UTP20: variants seen among roughly 807,000 people sequenced by gnomAD.
The protein encoded by UTP20 is UTP20 small subunit processome component, also known as small subunit processome component 20 homolog.
A neutral mutation model predicts 329.5 loss-of-function variants in UTP20; 164 were observed. That is an observed-to-expected ratio of 0.50 (90% CI 0.44 to 0.57). The LOEUF (loss-of-function observed/expected upper bound fraction) is 0.57, where lower values mean the gene tolerates loss of function less well. UTP20 is among the 20% of genes least tolerant of loss of function. The probability of loss-of-function intolerance (pLI) is 0.00; values close to 1 mark genes in which losing one functional copy is unlikely to be tolerated. For missense variants in UTP20, 3,055 were observed against 3,284.2 expected (o/e 0.93, Z 1.71); for synonymous variants, 1,151 against 1,159.3 (o/e 0.99, Z 0.14).
At chr12:101,378,869 G>A (rs527441448) in intron 56 of UTP20, among the ~76,000 whole-genome samples, 1 of 152,170 alleles carries the variant, frequency 6.6e-6, no homozygotes, top group South Asian at 2.1e-4. Flanking sequence ...TTTTCTAGTC[G>A]TTTCCAGTGC....
chr12:101,352,098 T>C lies in UTP20; in HGVS notation c.4928T>C (p.Ile1643Thr). The C allele has an allele frequency of 6.2e-7, 1 of 1,613,956 alleles. No individual in the cohort carries two copies. Among genetic ancestry groups the C allele is most frequent in the Non-Finnish European group, 8.5e-7 (1 of 1,179,974 alleles). ...GCTGCCACAGAGATTATTGGAGCCA[T>C]TTGCAAACATCTCTCTTGGTCAGCG... ...TTAATEIIGA[I>T]CKHLSWSAYM... is the part of the protein sequence containing the mutation. Residue 1643 changes from isoleucine (I) to threonine (T), a missense_variant, in exon 39 of 62, where the codon ATT becomes ACT. Coordinates refer to ENST00000261637, the MANE Select transcript of UTP20 (RefSeq NM_014503.3).
chr12:101,347,486 G>A (rs7134943), intron 38 of UTP20, among the ~76,000 whole-genome samples: 14,982 of 151,928 alleles, frequency 0.099, 1,701 homozygotes, highest in East Asian at 0.46. Flanking sequence ...TTACGCTACT[G>A]CACTCCAGCC....
At position 101,383,291 on chromosome 12, in the gene UTP20, A is replaced by G. The variant is rs1026146122; in HGVS notation, c.7907A>G (p.Tyr2636Cys). Residue 2636 changes from tyrosine (Y) to cysteine (C), a missense_variant, in exon 59 of 62, where the codon TAT (tyrosine) becomes TGT (cysteine). This residue lies in a region of UTP20 where 337 missense variants were observed against 345.5 expected (regional missense o/e 0.98). Transcript: ENST00000261637. ...LSRIAKLEAAYSPRNPLKRTC... is the reference protein window; with the variant it reads ...LSRIAKLEAACSPRNPLKRTC... ...CGGATTGCAAAACTGGAAGCTGCTT[A>G]TTCGCCGAGAAACCCCTTAAAGGTG... is the stretch of plus-strand genomic sequence containing the variant. 5 of 1,613,892 alleles carry G rather than the reference A, an allele frequency of 3.1e-6. No homozygotes were observed. The African/African-American group carries it at 6.7e-5, about 22-fold the overall frequency.
At chr12:101,329,811 C>A (rs1868698298) in intron 27 of UTP20, among the ~76,000 whole-genome samples, 1 of 151,832 alleles carries the variant, frequency 6.6e-6, no homozygotes, top group Non-Finnish European at 1.5e-5. Flanking sequence ...TGAGACCAGC[C>A]TGGACAACAT....
Position 101,317,553 on chromosome 12 carries a change from A to G in UTP20, c.2628A>G (p.Ala876=). 1.9e-6 allele frequency: 3 copies of G among 1,614,212 alleles called. No individual in the cohort carries two copies. Among genetic ancestry groups the G allele is most frequent in the Non-Finnish European group, 2.5e-6 (3 of 1,180,032 alleles). The part of the protein sequence containing the change: ...DLRRKGKGMV[A]EEIEEEPAAG... ...GGAGAAAAGGCAAAGGGATGGTGGC[A>G]GAGGAAATCGAAGAGGAACCTGCCG... The change falls in exon 22 of 62, where the codon GCA becomes GCG. Residue 876 remains alanine (A), a synonymous_variant. Transcript: ENST00000261637.
chr12:101,297,751 G>A (rs1371900176), intron 12 of UTP20, among the ~76,000 whole-genome samples: 2 of 152,182 alleles, frequency 1.3e-5, no homozygotes, highest in African/African-American at 4.8e-5. Context: ...TTCTGTGCAG[G>A]GAGAGTGAAG....
chr12:101,379,677 C>T (rs1203975974), intron 57 of UTP20, 119 bp downstream of exon 57: 6 of 1,092,574 alleles, frequency 5.5e-6, no homozygotes, highest in Non-Finnish European at 7.7e-6. Context: ...ATTTGTTGTA[C>T]AGGTGAATCA....
chr12:101,291,785 G>C lies in UTP20; in HGVS notation c.935G>C (p.Cys312Ser). The C allele has an allele frequency of 6.2e-7, 1 of 1,606,404 alleles. No homozygotes were observed. The highest frequency in any genetic ancestry group is 1.1e-5 in the South Asian group (1 of 88,634). ...DLHTKVTKTN[C>S]CESSEQIKRL... is the part of the protein sequence containing the mutation. Reference sequence around the variant, plus strand: ...CACACAAAAGTAACAAAAACTAACTGTTGTGAAAGTTCTGAACAGATTAAA... The same window carrying C: ...CACACAAAAGTAACAAAAACTAACTCTTGTGAAAGTTCTGAACAGATTAAA... Residue 312 changes from cysteine (C) to serine (S), a missense_variant, in exon 9 of 62, where the codon TGT (cysteine) becomes TCT (serine). By Grantham distance (112) the Cys-to-Ser change is moderately radical (BLOSUM62 -1). Around this residue, in one of 3 missense-constraint regions of UTP20, gnomAD observed 2,445 missense variants for 2,575.5 expected, o/e 0.95. Coordinates refer to ENST00000261637, the MANE Select transcript of UTP20 (RefSeq NM_014503.3).
At chr12:101,331,778 G>A (rs1868768933) in intron 27 of UTP20, among the ~76,000 whole-genome samples, 1 of 152,076 alleles carries the variant, frequency 6.6e-6, no homozygotes, top group Non-Finnish European at 1.5e-5. Flanking sequence ...AGGTTTTAAT[G>A]TAGGTAATTA....
chr12:101,385,901 GTAT>G, intron 61 of UTP20, 64 bp from the exon 62 acceptor site: 1 of 1,460,750 alleles, frequency 6.8e-7, no homozygotes, highest in Non-Finnish European at 9.2e-7. Context: ...ATTTATTTCT[GTAT>G]TTGATTCTTA....
rs759786580 is a variant in UTP20 at position 101,292,088 on chromosome 12, A to G, written c.1157A>G (p.Lys386Arg). The part of the protein sequence containing the change: ...ENVSLPETLI[K>R]ETIEKIFESR... ...GTTTCCTTGCCGGAGACCCTCATCA[A>G]AGAAACCATAGAAAAAGTAATTTAC... The change falls in exon 10 of 62, where the codon AAA becomes AGA. Residue 386 changes from lysine (K) to arginine (R), a missense_variant. This residue lies in a region of UTP20 where 2,445 missense variants were observed against 2,575.5 expected (regional missense o/e 0.95). Coordinates refer to ENST00000261637, the MANE Select transcript of UTP20 (RefSeq NM_014503.3). 3 of 1,612,722 alleles carry G rather than the reference A, an allele frequency of 1.9e-6. No homozygotes were observed. Among genetic ancestry groups the G allele is most frequent in the East Asian group, 4.5e-5 (2 of 44,884 alleles).
Position 101,285,773 on chromosome 12 carries a change from A to G in UTP20, c.218A>G (p.Asp73Gly). The G allele has an allele frequency of 6.2e-7, 1 of 1,613,642 alleles. No homozygotes were observed. ...GGAAAATTTTACAAAGAAGTTATTG[A>G]CAAATGCCAATCATTCAATCAGTTG... ...HFGKFYKEVIDKCQSFNQLVY... is the reference protein window; with the variant it reads ...HFGKFYKEVIGKCQSFNQLVY... The change falls in exon 4 of 62, where the codon GAC (aspartate) becomes GGC (glycine). Residue 73 changes from aspartate to glycine, a missense_variant. Physicochemically the swap from Asp to Gly is moderately conservative, Grantham distance 94. Coordinates refer to ENST00000261637, the MANE Select transcript of UTP20 (RefSeq NM_014503.3).
At position 101,290,781 on chromosome 12, in the gene UTP20, A is replaced by G. The variant is rs1872117362; in HGVS notation, c.784A>G (p.Thr262Ala). 1 of 1,613,570 alleles carries G rather than the reference A, an allele frequency of 6.2e-7. No homozygotes were observed. The highest frequency in any genetic ancestry group is 1.3e-5 in the African/African-American group (1 of 74,910). Residue 262 changes from threonine (T) to alanine (A), a missense_variant, in exon 8 of 62, where the codon ACT becomes GCT. By Grantham distance (58) the Thr-to-Ala change is moderately conservative. Transcript: ENST00000261637. ...RKLGPVTETE[T>A]QLPWMLIGET... ...GCTAGGACCAGTCACTGAAACAGAA[A>G]CTCAACTACCATGGATGTTAATTGG...
chr12:101,283,571 A>G (rs1297637389), intron 2 of UTP20, among the ~76,000 whole-genome samples: 2 of 152,226 alleles, frequency 1.3e-5, no homozygotes, highest in Non-Finnish European at 2.9e-5. Flanking sequence ...TCTCTCACAC[A>G]TAGCTGACAT....
intron 12 of UTP20, among the ~76,000 whole-genome samples, chr12:101,296,505 A>C (rs1872356751): frequency 6.6e-6 from 1 of 151,262 alleles, no homozygotes; most frequent in Non-Finnish European, 1.5e-5. Flanking sequence ...CGGGAGGTGG[A>C]GCTTGCAGTG....
At chr12:101,337,323 G>A (rs539473170) in intron 29 of UTP20, among the ~76,000 whole-genome samples, 123 of 152,268 alleles carry the variant, frequency 8.1e-4, no homozygotes, top group Middle Eastern at 3.4e-3. Context: ...TTTTTTTCCA[G>A]TGATGATAAA....
At chr12:101,343,624 C>A (rs1250778609) in intron 35 of UTP20, among the ~76,000 whole-genome samples, 1 of 152,160 alleles carries the variant, frequency 6.6e-6, no homozygotes, top group Non-Finnish European at 1.5e-5. Flanking sequence ...ATTCTCCCAC[C>A]TCAGCCTCCC....
intron 46 of UTP20, among the ~76,000 whole-genome samples, chr12:101,366,075 C>T (rs1017178113): frequency 8.6e-5 from 13 of 152,012 alleles, no homozygotes; most frequent in African/African-American, 3.1e-4. Context: ...CTACTAAAAA[C>T]ACAAAAATTA....
At position 101,293,305 on chromosome 12, in the gene UTP20, C is replaced by A; in HGVS notation, c.1251+60C>A. 2.0e-6 allele frequency: 3 copies of A among 1,480,338 alleles called. No individual in the cohort carries two copies. The South Asian group carries it at 3.4e-5, about 17-fold the overall frequency. The allele number at this position is 1,480,338 out of a possible 1,614,324, so 91.7% of individuals were successfully genotyped here. On this transcript the variant is annotated intron_variant, in intron 11 of 61. Transcript: ENST00000261637. ...AACAAATCTGTCAGGAAAAAACGATCAAATTTGAAATCCTGTTATTTCTGT... is the reference window on the plus strand; with the variant it reads ...AACAAATCTGTCAGGAAAAAACGATAAAATTTGAAATCCTGTTATTTCTGT...
Sources: gnomAD v4.1 joint callset for allele counts (sites outside exome capture counted in the v4.1 genomes callset) on GRCh38, gnomAD v4.1.1 for gene constraint, gnomAD v4.1.1 regional missense constraint, MANE v1.5 for transcripts, NCBI Gene and HGNC (gene_info 2026-07-23, HGNC 2026-07-21) for gene names.